Variants in PTPRO observed in about 807,000 individuals in gnomAD.
The protein encoded by PTPRO is receptor-type tyrosine-protein phosphatase O.
In PTPRO, 62 loss-of-function variants were observed where a neutral mutation model predicts 145.2. The ratio of observed to expected loss-of-function variants is 0.43; its 90% CI spans 0.35 to 0.53. The LOEUF (loss-of-function observed/expected upper bound fraction) is 0.53. PTPRO is among the 20% of genes least tolerant of loss of function. PTPRO has a pLI of 0.01. For missense variants in PTPRO, 1,345 were observed against 1,482.7 expected, an observed-to-expected ratio of 0.91 and a Z score of 1.53; for synonymous variants, 565 against 514.7, an observed-to-expected ratio of 1.10 and a Z score of -1.32.
chr12:15,418,039 C>G (rs944408121), intron 1 of PTPRO, among the ~76,000 whole-genome samples: 11 of 151,712 alleles, frequency 7.3e-5, no homozygotes, highest in Admixed American at 5.2e-4. Context: ...GAAGCTTGTG[C>G]CAAAATGTAA....
At chr12:15,511,766 A>G (rs4763424) in intron 7 of PTPRO, among the ~76,000 whole-genome samples, 87,361 of 151,970 alleles carry the variant, frequency 0.57, 26,396 homozygotes, top group Admixed American at 0.66. Flanking sequence ...GGGTTTCACC[A>G]TGCTGACCAG....
At chr12:15,567,621 A>T (rs1356303578) in intron 18 of PTPRO, among the ~76,000 whole-genome samples, 1 of 152,144 alleles carries the variant, frequency 6.6e-6, no homozygotes, top group African/African-American at 2.4e-5. Flanking sequence ...TGAAAGCTAG[A>T]GTTGTTAAAT....
At chr12:15,546,417 T>A in intron 12 of PTPRO, 152 bp from the exon 13 acceptor site, 1 of 1,455,150 alleles carries the variant, frequency 6.9e-7, no homozygotes, top group Non-Finnish European at 9.0e-7. Context: ...GCTATCTTTA[T>A]GAAAGGACAT....
chr12:15,339,835 A>G (rs1866910717), intron 1 of PTPRO, among the ~76,000 whole-genome samples: 1 of 152,114 alleles, frequency 6.6e-6, no homozygotes, highest in African/African-American at 2.4e-5. Flanking sequence ...ACATGTTTGT[A>G]TTTTATTTAA....
chr12:15,346,045 T>C (rs763249079), intron 1 of PTPRO, among the ~76,000 whole-genome samples: 5 of 152,192 alleles, frequency 3.3e-5, no homozygotes, highest in Admixed American at 6.5e-5. Context: ...CTCATTTCTC[T>C]GGTGCCTTGA....
At chr12:15,507,048 C>G (rs961796648) in intron 6 of PTPRO, among the ~76,000 whole-genome samples, 14 of 152,258 alleles carry the variant, frequency 9.2e-5, no homozygotes, top group African/African-American at 3.4e-4. Context: ...TCTACTTACT[C>G]TATCTCTACC....
rs184449797 is a variant in PTPRO, at chr12:15,591,882, T to G, written c.3546+2292T>G. 1.4e-3 allele frequency among the ~76,000 whole-genome samples: 211 copies of G among 151,816 alleles called. 1 individual carries two copies. The highest frequency in any genetic ancestry group is 4.8e-3 in the African/African-American group (201 of 41,460). On this transcript the variant is annotated intron_variant, in intron 25 of 26. Coordinates refer to ENST00000281171, the MANE Select transcript of PTPRO (RefSeq NM_030667.3). ...GTCTCAAAAAAAAAACCCCATAAAA[T>G]AATTAATTAAAATTAATTATGAAAT...
chr12:15,488,503 T>C (rs1340081433), intron 2 of PTPRO, among the ~76,000 whole-genome samples: 2 of 152,232 alleles, frequency 1.3e-5, no homozygotes, highest in Admixed American at 1.3e-4. Context: ...GCCATCTTTA[T>C]TTTTCTAACT....
chr12:15,474,953 A>G (rs117369132), intron 1 of PTPRO, among the ~76,000 whole-genome samples: 2 of 152,282 alleles, frequency 1.3e-5, no homozygotes, highest in East Asian at 1.9e-4. Context: ...AGTCGCACCA[A>G]CTGAATCTGA....
intron 25 of PTPRO, among the ~76,000 whole-genome samples, chr12:15,591,505 G>A (rs1174077143): frequency 1.3e-5 from 2 of 152,102 alleles, no homozygotes; most frequent in African/African-American, 4.8e-5. Flanking sequence ...CTTTCTTTGG[G>A]TGGTTATCAA....
chr12:15,506,423 G>T (rs997547736), intron 6 of PTPRO, among the ~76,000 whole-genome samples: 3 of 152,172 alleles, frequency 2.0e-5, no homozygotes, highest in African/African-American at 7.2e-5. Flanking sequence ...AAATGTGTTA[G>T]TCCATATTTA....
intron 1 of PTPRO, among the ~76,000 whole-genome samples, chr12:15,472,179 C>T (rs1416397632): frequency 1.3e-5 from 2 of 152,136 alleles, no homozygotes; most frequent in Non-Finnish European, 2.9e-5. Flanking sequence ...ACTGACCATG[C>T]TCTGGATGTA....
chr12:15,472,221 C>T (rs570646971), intron 1 of PTPRO, among the ~76,000 whole-genome samples: 1 of 152,314 alleles, frequency 6.6e-6, no homozygotes, highest in South Asian at 2.1e-4. Flanking sequence ...GCAATCAACA[C>T]TGGCTCTGAC....
At chr12:15,412,815 A>G (rs182103253) in intron 1 of PTPRO, among the ~76,000 whole-genome samples, 1 of 152,002 alleles carries the variant, frequency 6.6e-6, no homozygotes, top group Non-Finnish European at 1.5e-5. Context: ...GTTTTTTGAG[A>G]TGGACTCTCA....
rs1366391706 is a variant in PTPRO at position 15,336,680 on chromosome 12, G to T, written c.75+13879G>T. ...TATTCTTTACTAGCTATGGCATTTG[G>T]CAGTGTACTGATCTCTTCATAGAAG... On this transcript the variant is annotated intron_variant, in intron 1 of 26. Coordinates refer to ENST00000281171, the MANE Select transcript of PTPRO (RefSeq NM_030667.3). Among the ~76,000 whole-genome samples the T allele has an allele frequency of 2.6e-5, 4 of 152,140 alleles. No homozygotes were observed. The East Asian group carries it at 7.7e-4, about 29-fold the overall frequency.
intron 1 of PTPRO, chr12:15,440,121 G>C: frequency 3.1e-6 from 2 of 643,324 alleles, no homozygotes; most frequent in Non-Finnish European, 5.6e-6. Context: ...CCTGAGTCCA[G>C]GAACATTGGC....
intron 1 of PTPRO, among the ~76,000 whole-genome samples, chr12:15,433,462 C>T (rs1038465454): frequency 1.3e-5 from 2 of 152,148 alleles, no homozygotes; most frequent in African/African-American, 2.4e-5. Context: ...GGATTACAGG[C>T]GACAGCCACC....
At chr12:15,536,123 G>C (rs1438622881) in intron 12 of PTPRO, among the ~76,000 whole-genome samples, 1 of 152,002 alleles carries the variant, frequency 6.6e-6, no homozygotes, top group Non-Finnish European at 1.5e-5. Flanking sequence ...CACTATTCTT[G>C]GTTCTGAGCA....
chr12:15,467,519 A>ATTCCCC (rs1416671751), intron 1 of PTPRO, among the ~76,000 whole-genome samples: 1 of 151,764 alleles, frequency 6.6e-6, no homozygotes, highest in East Asian at 1.9e-4. Context: ...TGCCTTCTAA[A>ATTCCCC]TTCCCCCCAA....
Sources: allele counts gnomAD v4.1 joint callset (sites outside exome capture counted in the v4.1 genomes callset), GRCh38; gene constraint gnomAD v4.1.1; transcripts MANE v1.5; gene names NCBI Gene and HGNC (gene_info 2026-07-23, HGNC 2026-07-21).